Variants in PSMD9 observed in about 807,000 individuals in gnomAD.
PSMD9 encodes the protein proteasome 26S subunit, non-ATPase 9, also known as 26S proteasome non-ATPase regulatory subunit 9.
In PSMD9, 26 loss-of-function variants were observed where a neutral mutation model predicts 25.9. The observed-to-expected ratio is 1.00, with a 90% CI of 0.73 to 1.39. PSMD9 has a LOEUF of 1.39. PSMD9 is among the 40% of genes most tolerant of loss of function. The pLI is 0.00. For synonymous variants in PSMD9, 110 were observed against 114.5 expected (o/e 0.96, Z 0.25); for missense variants, 303 against 299.3 (o/e 1.01, Z -0.09).
In PSMD9 at chr12:121,888,928, G is replaced by C. The variant is rs1878971213; in HGVS notation, c.72G>C (p.Gln24His). ...GCGTCGTGACTGTCAGCGACGTCCA[G>C]GAGCTGATGCGGCGCAAGGAGGAGA... ...QAGVVTVSDV[Q>H]ELMRRKEEIE... The change falls in exon 1 of 6, where the codon CAG becomes CAC. Residue 24 changes from glutamine (Q) to histidine (H), a missense_variant. Transcript: ENST00000541212. 1 of 1,595,224 alleles carries C rather than the reference G, an allele frequency of 6.3e-7. No individual in the cohort carries two copies. Among genetic ancestry groups the C allele is most frequent in the Non-Finnish European group, 8.5e-7 (1 of 1,171,752 alleles).
chr12:121,891,329 G>A (rs7486904), intron 1 of PSMD9, among the ~76,000 whole-genome samples: 12,082 of 144,520 alleles, frequency 0.084, 1,089 homozygotes, highest in African/African-American at 0.21. Context: ...GGCCGGGTGC[G>A]GTGGCTCATG....
At chr12:121,892,528 G>A (rs921422590) in intron 1 of PSMD9, among the ~76,000 whole-genome samples, 1 of 151,928 alleles carries the variant, frequency 6.6e-6, no homozygotes, top group South Asian at 2.1e-4. Flanking sequence ...GTGAAACCCC[G>A]TCTCTACTAA....
chr12:121,902,293 A>ATAGTTCCT (rs1379871793), intron 3 of PSMD9: 1 of 152,050 alleles, frequency 6.6e-6, no homozygotes, highest in Non-Finnish European at 1.5e-5. Flanking sequence ...GTCAGGACAC[A>ATAGTTCCT]TAGTTCCTGC....
chr12:121,912,153 C>T (rs1249494289), intron 4 of PSMD9, among the ~76,000 whole-genome samples: 2 of 151,822 alleles, frequency 1.3e-5, no homozygotes, highest in Admixed American at 1.3e-4. Context: ...AATCCTCCCA[C>T]CTCAGCCTTG....
intron 1 of PSMD9, 48 bp from the exon 2 acceptor site, chr12:121,894,691 G>A (rs1336791975): frequency 1.3e-6 from 2 of 1,510,482 alleles, no homozygotes; most frequent in Non-Finnish European, 1.8e-6. Flanking sequence ...AGACATCCTG[G>A]GGACATTACA....
Position 121,916,307 on chromosome 12 carries a change from G to A in PSMD9, c.668G>A (p.Arg223Lys). ...AGCTGCAACATTATTCCTCTGCAAA[G>A]ATGATTGTCCCTGGGGAACAGTAAC... is the stretch of plus-strand genomic sequence containing the variant. Reference protein sequence around the residue: ...LLGCNIIPLQR With the variant: ...LLGCNIIPLQK Residue 223 changes from arginine to lysine, a missense_variant, in exon 6 of 6, where the codon AGA becomes AAA. By Grantham distance (26) the Arg-to-Lys change is conservative (BLOSUM62 2). Transcript: ENST00000541212. The A allele has an allele frequency of 6.2e-7, 1 of 1,614,138 alleles. No individual in the cohort carries two copies. The highest frequency in any genetic ancestry group is 8.5e-7 in the Non-Finnish European group (1 of 1,179,982).
intron 4 of PSMD9, among the ~76,000 whole-genome samples, chr12:121,906,586 C>A (rs566589415): frequency 1.3e-5 from 2 of 149,938 alleles, no homozygotes; most frequent in African/African-American, 4.9e-5. Context: ...GGGCAGATCA[C>A]AAGGTCAAGA....
At chr12:121,899,222 A>G (rs1879318385) in intron 2 of PSMD9, 2 of 180,894 alleles carry the variant, frequency 1.1e-5, no homozygotes, top group Non-Finnish European at 1.2e-5. Context: ...AGCCTGAGTC[A>G]TTCATTCACA....
intron 2 of PSMD9, among the ~76,000 whole-genome samples, chr12:121,896,836 CA>C (rs755152569): frequency 2.3e-3 from 135 of 57,486 alleles, no homozygotes; most frequent in South Asian, 5.2e-3. Flanking sequence ...AACTCTGTCT[CA>C]AAAAAAAAAA....
intron 4 of PSMD9, among the ~76,000 whole-genome samples, chr12:121,908,648 C>T (rs1220297912): frequency 6.6e-6 from 1 of 152,090 alleles, no homozygotes; most frequent in Non-Finnish European, 1.5e-5. Context: ...CAAATAATCT[C>T]AGCTGTATAA....
At chr12:121,901,547 T>G in intron 3 of PSMD9, among the ~76,000 whole-genome samples, 1 of 151,882 alleles carries the variant, frequency 6.6e-6, no homozygotes, top group East Asian at 1.9e-4. Context: ...TAGAGATGGG[T>G]TCTCACTATG....
At chr12:121,897,855 G>A (rs1009370193) in intron 2 of PSMD9, 1 of 152,168 alleles carries the variant, frequency 6.6e-6, no homozygotes, top group African/African-American at 2.4e-5. Context: ...TGGTACGTTT[G>A]TTATAATTGC....
intron 4 of PSMD9, among the ~76,000 whole-genome samples, chr12:121,910,333 C>G (rs1879682681): frequency 6.6e-6 from 1 of 151,752 alleles, no homozygotes; most frequent in Non-Finnish European, 1.5e-5. Context: ...ATCCGCCTGC[C>G]TTGGCCTCCC....
intron 4 of PSMD9, among the ~76,000 whole-genome samples, chr12:121,908,430 C>T (rs549094988): frequency 6.7e-4 from 102 of 152,258 alleles, no homozygotes; most frequent in South Asian, 1.0e-3. Flanking sequence ...CTGCCCGCTT[C>T]GGCCTCCCAA....
intron 2 of PSMD9, among the ~76,000 whole-genome samples, chr12:121,895,564 G>A (rs1044597640): frequency 1.3e-5 from 2 of 152,084 alleles, no homozygotes; most frequent in Non-Finnish European, 2.9e-5. Flanking sequence ...GAGGATCTAG[G>A]GGAGAACCTG....
chr12:121,915,977 G>A, intron 5 of PSMD9, 33 bp downstream of exon 5: 1 of 1,588,200 alleles, frequency 6.3e-7, no homozygotes, highest in Non-Finnish European at 8.6e-7. Context: ...TTCTCACTGG[G>A]GCATCATTTG....
At chr12:121,909,764 G>A (rs1188773873) in intron 4 of PSMD9, among the ~76,000 whole-genome samples, 3 of 152,102 alleles carry the variant, frequency 2.0e-5, no homozygotes, top group African/African-American at 4.8e-5. Flanking sequence ...CCATTGGTCG[G>A]TTCACCATCT....
At chr12:121,916,122 G>A (rs1879893555) in intron 5 of PSMD9, 162 bp from the exon 6 acceptor site, 2 of 1,153,736 alleles carry the variant, frequency 1.7e-6, no homozygotes, top group Middle Eastern at 4.1e-4. Context: ...AGCAGAGGGA[G>A]CCCCAGAGTC....
chr12:121,900,333 A>C (rs1456151922), intron 3 of PSMD9, among the ~76,000 whole-genome samples: 7 of 152,172 alleles, frequency 4.6e-5, no homozygotes, highest in African/African-American at 1.7e-4. Context: ...TCGAAGTTGC[A>C]GTGAGCTGTG....
Sources: gnomAD v4.1 joint callset for allele counts (sites outside exome capture counted in the v4.1 genomes callset) on GRCh38, gnomAD v4.1.1 for gene constraint, MANE v1.5 for transcripts, NCBI Gene and HGNC (gene_info 2026-07-23, HGNC 2026-07-21) for gene names.